PIP4K2A: variants seen among roughly 807,000 people sequenced by gnomAD.
PIP4K2A encodes the protein phosphatidylinositol-5-phosphate 4-kinase type 2 alpha, also known as phosphatidylinositol 5-phosphate 4-kinase type-2 alpha.
PIP4K2A carries 14 observed loss-of-function variants against 42.9 expected under a neutral mutation model. The observed-to-expected ratio is 0.33, with a 90% CI of 0.22 to 0.51. PIP4K2A has a LOEUF of 0.51. Ranked by LOEUF, PIP4K2A falls within the 20% of genes least tolerant of loss-of-function variation. The probability of loss-of-function intolerance (pLI) is 0.97; values close to 1 mark genes in which losing one functional copy is unlikely to be tolerated. For missense variants in PIP4K2A, 434 were observed against 519.8 expected, an observed-to-expected ratio of 0.83 and a Z score of 1.61; for synonymous variants, 192 against 192.2, an observed-to-expected ratio of 1.00 and a Z score of 0.01.
chr10:22,574,564 T>C (rs1214410818), intron 4 of PIP4K2A, among the ~76,000 whole-genome samples: 1 of 152,096 alleles, frequency 6.6e-6, no homozygotes, highest in East Asian at 1.9e-4. Context: ...TTAACCACCT[T>C]AAGAATGAAA....
At chr10:22,711,532 GA>G (rs1411839808) in intron 1 of PIP4K2A, among the ~76,000 whole-genome samples, 1 of 152,206 alleles carries the variant, frequency 6.6e-6, no homozygotes, top group Non-Finnish European at 1.5e-5. Flanking sequence ...GTTAGACTTG[GA>G]AATCATCCAA....
intron 3 of PIP4K2A, among the ~76,000 whole-genome samples, chr10:22,597,302 C>A (rs1837656393): frequency 6.6e-6 from 1 of 152,178 alleles, no homozygotes; most frequent in African/African-American, 2.4e-5. Flanking sequence ...CACAGCGTAA[C>A]ACAGGGCTGA....
intron 1 of PIP4K2A, among the ~76,000 whole-genome samples, chr10:22,698,385 G>A (rs1047352823): frequency 6.6e-6 from 1 of 152,152 alleles, no homozygotes; most frequent in South Asian, 2.1e-4. Context: ...CTTTTTGAAA[G>A]CAACTTGGCA....
At chr10:22,632,958 A>T (rs1183700085) in intron 1 of PIP4K2A, among the ~76,000 whole-genome samples, 1 of 152,214 alleles carries the variant, frequency 6.6e-6, no homozygotes, top group African/African-American at 2.4e-5. Flanking sequence ...ATTTCAAAAA[A>T]TGGCCCATAA....
chr10:22,604,322 A>C (rs912465065), intron 3 of PIP4K2A, among the ~76,000 whole-genome samples: 4 of 152,018 alleles, frequency 2.6e-5, no homozygotes, highest in Non-Finnish European at 5.9e-5. Flanking sequence ...GCTCTGCTTT[A>C]ATCAGAGTGG....
chr10:22,569,665 GTGTGTCTGTCTGTGTC>G (rs1286134514), intron 5 of PIP4K2A, among the ~76,000 whole-genome samples: 1 of 152,074 alleles, frequency 6.6e-6, no homozygotes, highest in African/African-American at 2.4e-5. Flanking sequence ...CTGTGTGTGT[GTGTGTCTGTCTGTGTC>G]TGTGTGTGTG....
At chr10:22,616,166 G>A (rs1838173527) in intron 1 of PIP4K2A, among the ~76,000 whole-genome samples, 2 of 152,146 alleles carry the variant, frequency 1.3e-5, no homozygotes, top group African/African-American at 4.8e-5. Flanking sequence ...CCTGATTATG[G>A]TATGACTCAA....
chr10:22,622,603 G>T (rs980906691), intron 1 of PIP4K2A, among the ~76,000 whole-genome samples: 2 of 152,214 alleles, frequency 1.3e-5, no homozygotes, highest in South Asian at 4.1e-4. Context: ...AATTCCGCCA[G>T]TGGGCGGCAG....
At chr10:22,676,520 G>A (rs577464558) in intron 1 of PIP4K2A, among the ~76,000 whole-genome samples, 1 of 152,084 alleles carries the variant, frequency 6.6e-6, no homozygotes, top group Non-Finnish European at 1.5e-5. Flanking sequence ...AATGTGGCAC[G>A]ATACAGTTAT....
intron 6 of PIP4K2A, among the ~76,000 whole-genome samples, chr10:22,554,755 G>C (rs574602128): frequency 6.6e-6 from 1 of 152,354 alleles, no homozygotes; most frequent in African/African-American, 2.4e-5. Flanking sequence ...ACGACCCTCT[G>C]TACTTGCTGG....
At chr10:22,688,593 C>G (rs1300759987) in intron 1 of PIP4K2A, among the ~76,000 whole-genome samples, 1 of 152,170 alleles carries the variant, frequency 6.6e-6, no homozygotes, top group Non-Finnish European at 1.5e-5. Flanking sequence ...GCTGAGACTA[C>G]AGGCACTCAC....
chr10:22,636,117 G>A (rs1838657732), intron 1 of PIP4K2A, among the ~76,000 whole-genome samples: 1 of 152,144 alleles, frequency 6.6e-6, no homozygotes, highest in Non-Finnish European at 1.5e-5. Flanking sequence ...TCTTCAGGAA[G>A]AGGACTCCAC....
chr10:22,562,532 G>C (rs1001922991), intron 6 of PIP4K2A, among the ~76,000 whole-genome samples: 2 of 152,240 alleles, frequency 1.3e-5, no homozygotes, highest in Non-Finnish European at 2.9e-5. Flanking sequence ...CTGGGTGACA[G>C]AGCGAGACTC....
intron 1 of PIP4K2A, among the ~76,000 whole-genome samples, chr10:22,663,571 G>T (rs749925060): frequency 1.3e-4 from 19 of 151,570 alleles, no homozygotes; most frequent in Admixed American, 6.6e-5. Flanking sequence ...AAAAGTTTGG[G>T]GCTTATATCA....
chr10:22,667,162 G>A (rs536398954), intron 1 of PIP4K2A, among the ~76,000 whole-genome samples: 1 of 152,254 alleles, frequency 6.6e-6, no homozygotes, highest in African/African-American at 2.4e-5. Flanking sequence ...TATTTTGCCA[G>A]GTGAAAGTGG....
intron 1 of PIP4K2A, among the ~76,000 whole-genome samples, chr10:22,704,792 T>C (rs924163364): frequency 6.6e-6 from 1 of 152,118 alleles, no homozygotes; most frequent in African/African-American, 2.4e-5. Context: ...GCCATGTCAG[T>C]GGAAGACACT....
At chr10:22,696,837 T>G (rs1339118529) in intron 1 of PIP4K2A, among the ~76,000 whole-genome samples, 1 of 152,174 alleles carries the variant, frequency 6.6e-6, no homozygotes, top group Admixed American at 6.5e-5. Flanking sequence ...GACCCTTAAT[T>G]TTCTACTTAA....
At chr10:22,540,846 C>T (rs534250336) in intron 8 of PIP4K2A, among the ~76,000 whole-genome samples, 1 of 152,186 alleles carries the variant, frequency 6.6e-6, no homozygotes, top group Non-Finnish European at 1.5e-5. Context: ...TGAACCACTG[C>T]GCCCGGCCCG....
chr10:22,619,439 C>CTTTTTTTTTTTT (rs746519034), intron 1 of PIP4K2A, among the ~76,000 whole-genome samples: 1 of 137,508 alleles, frequency 7.3e-6, no homozygotes, highest in African/African-American at 2.8e-5. Flanking sequence ...TTTCTTTTTT[C>CTTTTTTTTTTTT]TTTTTTTTTT....
Sources: allele counts gnomAD v4.1 joint callset (sites outside exome capture counted in the v4.1 genomes callset), GRCh38; gene constraint gnomAD v4.1.1; transcripts MANE v1.5; gene names NCBI Gene and HGNC (gene_info 2026-07-23, HGNC 2026-07-21).